Variants in MTUS1 observed in about 807,000 individuals in gnomAD.
MTUS1 encodes the protein microtubule associated scaffold protein 1, also known as microtubule-associated tumor suppressor 1.
A neutral mutation model predicts 120.8 loss-of-function variants in MTUS1; 109 were observed. The observed-to-expected ratio is 0.90, with a 90% confidence interval of 0.77 to 1.06. MTUS1 has a LOEUF of 1.06. MTUS1 is among the 50% of genes least tolerant of loss of function. The pLI is 0.00. For missense variants in MTUS1, 2,210 were observed against 1,486.3 expected (o/e 1.49, Z -8.01); for synonymous variants, 737 against 550.5 (o/e 1.34, Z -4.74).
chr8:17,645,827 T>G lies in MTUS1; in HGVS notation c.*99A>C. 1 of 1,464,006 alleles carries G rather than the reference T, an allele frequency of 6.8e-7. No individual in the cohort carries two copies. The allele number at this position is 1,464,006 out of a possible 1,614,324, so 90.7% of individuals were successfully genotyped here. On this transcript the variant is annotated 3_prime_UTR_variant, in exon 15 of 15. Transcript: ENST00000693296. Reference sequence around the variant, plus strand: ...CCAGTTACCCTACGGTGATCACACGTGTGCTGATATACCTCTTGTGCCCAC... The same window carrying G: ...CCAGTTACCCTACGGTGATCACACGGGTGCTGATATACCTCTTGTGCCCAC...
chr8:17,794,754 G>A lies in MTUS1; in HGVS notation c.-155+6307C>T, dbSNP rs547224517. On this transcript the variant is annotated intron_variant, in intron 1 of 14. Transcript: ENST00000693296. The stretch of plus-strand genomic sequence containing the variant: ...AAAAATAAGATTTTAACAGTGCAAG[G>A]TGACTTAATCAGAATTCTGGGAAAT... 3.0e-4 allele frequency among the ~76,000 whole-genome samples: 45 copies of A among 152,320 alleles called. No individual in the cohort carries two copies. In the South Asian group the frequency reaches 9.3e-3, roughly 32 times the overall value.
chr8:17,761,561 A>G (rs909476187), intron 1 of MTUS1, among the ~76,000 whole-genome samples: 4 of 152,240 alleles, frequency 2.6e-5, no homozygotes, highest in African/African-American at 7.2e-5. Flanking sequence ...GGCTTATATA[A>G]GAGTAGATGT....
At chr8:17,739,801 A>G (rs1282201183) in intron 3 of MTUS1, among the ~76,000 whole-genome samples, 1 of 152,236 alleles carries the variant, frequency 6.6e-6, no homozygotes, top group Non-Finnish European at 1.5e-5. Flanking sequence ...CATTGACATT[A>G]TAATAATTAC....
At chr8:17,714,573 A>G (rs1821946055) in intron 5 of MTUS1, among the ~76,000 whole-genome samples, 1 of 152,194 alleles carries the variant, frequency 6.6e-6, no homozygotes, top group South Asian at 2.1e-4. Flanking sequence ...TGAAGTGGAC[A>G]ACCATAGAAT....
chr8:17,763,521 G>C (rs139732518), intron 1 of MTUS1, among the ~76,000 whole-genome samples: 1 of 152,250 alleles, frequency 6.6e-6, no homozygotes, highest in Non-Finnish European at 1.5e-5. Context: ...AAGTGACTTA[G>C]TGGATTTTTG....
In MTUS1 at chr8:17,670,690, G is replaced by A. The variant is rs1470212002; in HGVS notation, c.2905+4496C>T. On this transcript the variant is annotated intron_variant, in intron 8 of 14. Transcript: ENST00000693296. ...ATACAAAAATTAGCCCAGCATGGTGGTATGCACCTATAATCCCAGCTATTC... is the reference window on the plus strand; with the variant it reads ...ATACAAAAATTAGCCCAGCATGGTGATATGCACCTATAATCCCAGCTATTC... Among the ~76,000 whole-genome samples, 3 of 152,210 alleles carry A rather than the reference G, an allele frequency of 2.0e-5. No homozygotes were observed. The South Asian group carries it at 6.2e-4, about 32-fold the overall frequency.
chr8:17,788,487 C>T (rs937777271), intron 1 of MTUS1, among the ~76,000 whole-genome samples: 1 of 152,152 alleles, frequency 6.6e-6, no homozygotes, highest in South Asian at 2.1e-4. Flanking sequence ...CTGTTACATC[C>T]TGAACATATT....
chr8:17,678,472 A>G (rs1813570633), intron 7 of MTUS1, among the ~76,000 whole-genome samples: 1 of 152,186 alleles, frequency 6.6e-6, no homozygotes, highest in Admixed American at 6.5e-5. Flanking sequence ...TTGAATTAGG[A>G]GTCCCTGGGA....
chr8:17,664,187 G>A (rs1453593862), intron 8 of MTUS1: 1 of 152,084 alleles, frequency 6.6e-6, no homozygotes, highest in Non-Finnish European at 1.5e-5. Flanking sequence ...ATGGTGGAGT[G>A]TACACTCACT....
At chr8:17,736,933 T>A (rs2046974233) in intron 3 of MTUS1, among the ~76,000 whole-genome samples, 1 of 152,198 alleles carries the variant, frequency 6.6e-6, no homozygotes, top group South Asian at 2.1e-4. Flanking sequence ...AAAATGTATT[T>A]ATTTTCTTAA....
At chr8:17,793,243 C>A (rs985908335) in intron 1 of MTUS1, among the ~76,000 whole-genome samples, 72 of 152,138 alleles carry the variant, frequency 4.7e-4, no homozygotes, top group African/African-American at 1.6e-3. Flanking sequence ...CATAATAAAA[C>A]AGTAACTCAG....
In MTUS1 at chr8:17,754,004, G is replaced by C; in HGVS notation, c.1804C>G (p.Pro602Ala). Residue 602 changes from proline (P) to alanine (A), a missense_variant, in exon 2 of 15, where the codon CCA (proline) becomes GCA (alanine). Pro to Ala is a conservative substitution (Grantham distance 27). Transcript: ENST00000693296. Reference protein sequence around the residue: ...THSKNASHRVPRTTSAVKSNQ... With the variant: ...THSKNASHRVARTTSAVKSNQ... Reference sequence around the variant, plus strand: ...GATTTCACGGCAGATGTTGTTCTTGGAACCCTGTGTGAAGCATTTTTAGAA... The same window carrying C: ...GATTTCACGGCAGATGTTGTTCTTGCAACCCTGTGTGAAGCATTTTTAGAA... 6.2e-7 allele frequency: 1 copy of C among 1,614,176 alleles called. No individual in the cohort carries two copies. Among genetic ancestry groups the C allele is most frequent in the African/African-American group, 1.3e-5 (1 of 75,050 alleles).
intron 6 of MTUS1, chr8:17,697,480 T>C: frequency 6.8e-7 from 1 of 1,476,362 alleles, no homozygotes; most frequent in Non-Finnish European, 9.1e-7. Flanking sequence ...AGAAATACAG[T>C]CAGAGGAAAG....
chr8:17,661,911 G>A (rs937022923), intron 8 of MTUS1, among the ~76,000 whole-genome samples: 18 of 152,180 alleles, frequency 1.2e-4, no homozygotes, highest in Admixed American at 7.2e-4. Context: ...AATGGCTTTC[G>A]TTTGAAGGAA....
chr8:17,645,033 AC>A lies in MTUS1; in HGVS notation c.*892del, dbSNP rs1418122141. Reference sequence around the variant, plus strand: ...AAATAAGGTGGAAAAACCCATTGGTACTTCCCTTTTTCTTTCTTTACACAGT... The same window carrying A: ...AAATAAGGTGGAAAAACCCATTGGTATTCCCTTTTTCTTTCTTTACACAGT... On this transcript the variant is annotated 3_prime_UTR_variant, in exon 15 of 15. Transcript: ENST00000693296. The A allele has an allele frequency of 7.0e-6, 1 of 142,920 alleles. No homozygotes were observed. The highest frequency in any genetic ancestry group is 2.6e-5 in the African/African-American group (1 of 37,800). 8.9% of individuals were successfully genotyped at this position (142,920 alleles called of 1,614,324 possible). A position where few individuals can be genotyped will look rare whatever the true frequency, so the allele number is the denominator to read the frequency against.
At chr8:17,663,401 G>C (rs1459184646) in intron 8 of MTUS1, among the ~76,000 whole-genome samples, 1 of 152,158 alleles carries the variant, frequency 6.6e-6, no homozygotes, top group East Asian at 1.9e-4. Context: ...ATGATACAGT[G>C]CTTTCCTAGT....
At chr8:17,756,421 T>A (rs2048612905) in intron 1 of MTUS1, among the ~76,000 whole-genome samples, 1 of 152,184 alleles carries the variant, frequency 6.6e-6, no homozygotes, top group East Asian at 1.9e-4. Flanking sequence ...ATTATTTCCA[T>A]GCAGAGTGAT....
chr8:17,778,584 A>G (rs536994164), intron 1 of MTUS1, among the ~76,000 whole-genome samples: 1 of 152,226 alleles, frequency 6.6e-6, no homozygotes, highest in South Asian at 2.1e-4. Context: ...TGGAGGGAGG[A>G]GGCAGGCGGA....
At chr8:17,655,807 AG>A in intron 9 of MTUS1, 55 bp downstream of exon 9, 1 of 1,482,622 alleles carries the variant, frequency 6.7e-7, no homozygotes, top group East Asian at 2.3e-5. Context: ...AAGAGCAACC[AG>A]GATTCAAGTA....
Sources: allele counts gnomAD v4.1 joint callset (sites outside exome capture counted in the v4.1 genomes callset), GRCh38; gene constraint gnomAD v4.1.1; transcripts MANE v1.5; gene names NCBI Gene and HGNC (gene_info 2026-07-23, HGNC 2026-07-21).